MYLK2: variants seen among roughly 807,000 people sequenced by gnomAD.
MYLK2 encodes the protein myosin light chain kinase 2, also known as myosin light chain kinase 2, skeletal/cardiac muscle.
MYLK2 carries 27 observed loss-of-function variants against 58.2 expected under a neutral mutation model. The ratio of observed to expected loss-of-function variants is 0.46; its 90% CI spans 0.34 to 0.64. The LOEUF (loss-of-function observed/expected upper bound fraction) is 0.64, where lower values mean the gene tolerates loss of function less well. Ranked by LOEUF, MYLK2 falls within the 30% of genes least tolerant of loss-of-function variation. MYLK2 has a pLI of 0.01. For synonymous variants in MYLK2, 310 were observed against 296.7 expected, an observed-to-expected ratio of 1.04 and a Z score of -0.46; for missense variants, 676 against 764.3, an observed-to-expected ratio of 0.88 and a Z score of 1.36.
intron 9 of MYLK2, 43 bp downstream of exon 9, chr20:31,830,932 T>A: frequency 6.2e-7 from 1 of 1,613,030 alleles, no homozygotes; most frequent in East Asian, 2.2e-5. Flanking sequence ...AGCCTCTGAG[T>A]TGGCAGGGGA....
At chr20:31,821,826 T>A in intron 4 of MYLK2, 89 bp downstream of exon 4, 1 of 1,346,784 alleles carries the variant, frequency 7.4e-7, no homozygotes, top group Non-Finnish European at 1.0e-6. Context: ...TATTCGGAGG[T>A]CTGAACTGCC....
intron 8 of MYLK2, 43 bp from the exon 9 acceptor site, chr20:31,830,776 G>A (rs1195662670): frequency 6.2e-7 from 1 of 1,600,788 alleles, no homozygotes. Context: ...GAGGGAGGGT[G>A]AGCTGGTCAG....
intron 12 of MYLK2, among the ~76,000 whole-genome samples, chr20:31,832,691 C>G (rs2062313066): frequency 6.6e-6 from 1 of 152,068 alleles, no homozygotes; most frequent in Non-Finnish European, 1.5e-5. Flanking sequence ...CGGGGTTTCA[C>G]CATGTTGGCC....
chr20:31,825,168 G>A (rs2062272720), intron 6 of MYLK2, among the ~76,000 whole-genome samples: 1 of 152,240 alleles, frequency 6.6e-6, no homozygotes, highest in Non-Finnish European at 1.5e-5. Flanking sequence ...GAAAGCGTGA[G>A]AAGCAGCTCT....
intron 3 of MYLK2, among the ~76,000 whole-genome samples, chr20:31,821,194 A>C (rs894043120): frequency 6.6e-6 from 1 of 152,276 alleles, no homozygotes; most frequent in African/African-American, 2.4e-5. Flanking sequence ...CCCTAGTTGT[A>C]TCCACATGAT....
chr20:31,819,806 T>C (rs1442119902), intron 2 of MYLK2, among the ~76,000 whole-genome samples, 174 bp downstream of exon 2: 1 of 152,098 alleles, frequency 6.6e-6, no homozygotes, highest in Non-Finnish European at 1.5e-5. Context: ...CCAGGGCCTG[T>C]ATGAAGCCCT....
chr20:31,828,255 G>A, intron 8 of MYLK2: 2 of 984,926 alleles, frequency 2.0e-6, no homozygotes, highest in Non-Finnish European at 2.4e-6. Flanking sequence ...TGAGTGTGGA[G>A]CTCTGGGTGT....
chr20:31,833,792 G>A lies in MYLK2; in HGVS notation c.1786G>A (p.Val596Ile). The A allele has an allele frequency of 6.2e-7, 1 of 1,612,374 alleles. No individual in the cohort carries two copies. Among genetic ancestry groups the A allele is most frequent in the Non-Finnish European group, 8.5e-7 (1 of 1,179,650 alleles). ...SSSGALMALGV is the reference protein window; with the variant it reads ...SSSGALMALGI ...CTCGGGGGCACTGATGGCTCTGGGG[G>A]TCTGAGCCCTGGGCGCAGCTGAAGC... Residue 596 changes from valine (V) to isoleucine (I), a missense_variant, in exon 13 of 13, where the codon GTC becomes ATC. By Grantham distance (29) the Val-to-Ile change is conservative. This residue lies in a region of MYLK2 where 370 missense variants were observed against 467.8 expected (regional missense o/e 0.79). Transcript: ENST00000375985.
intron 4 of MYLK2, 40 bp from the exon 5 acceptor site, chr20:31,823,437 C>A: frequency 6.3e-7 from 1 of 1,574,980 alleles, no homozygotes; most frequent in Non-Finnish European, 8.7e-7. Flanking sequence ...TCCTCAGCAG[C>A]CCCTGGCACT....
chr20:31,820,313 T>C lies in MYLK2; in HGVS notation c.240T>C (p.Gly80=), dbSNP rs768745988. ...STSSQGPKGE[G]DRGGGPAEGS... ...GCAGCCAAGGCCCCAAAGGAGAGGG[T>C]GACAGGGGCGGGGGGCCCGCGGAGG... Residue 80 remains glycine, a synonymous_variant, in exon 3 of 13, where the codon GGT becomes GGC. Transcript: ENST00000375985. 35 of 1,612,672 alleles carry C rather than the reference T, an allele frequency of 2.2e-5. No individual in the cohort carries two copies. Among genetic ancestry groups the C allele is most frequent in the Non-Finnish European group, 2.4e-5 (28 of 1,179,778 alleles).
In MYLK2 at chr20:31,834,314, TGAGA is replaced by T. The variant is rs1445983814; in HGVS notation, c.*521_*524del. ...GCCAGGGAAGACAGAGCAGGCTTTG[TGAGA>T]GAGGACCTCCATGCCCCCGCCACCT... On this transcript the variant is annotated 3_prime_UTR_variant, in exon 13 of 13. Coordinates refer to ENST00000375985, the MANE Select transcript of MYLK2 (RefSeq NM_033118.4). 1 of 168,536 alleles carries T rather than the reference TGAGA, an allele frequency of 5.9e-6. No individual in the cohort carries two copies. Among genetic ancestry groups the T allele is most frequent in the Non-Finnish European group, 1.3e-5 (1 of 76,256 alleles). The allele number at this position is 168,536 out of a possible 1,614,324, so 10.4% of individuals were successfully genotyped here.
Position 31,830,903 on chromosome 20 carries a change from G to T in MYLK2, c.1295+14G>T. 1 of 1,613,872 alleles carries T rather than the reference G, an allele frequency of 6.2e-7. No homozygotes were observed. The highest frequency in any genetic ancestry group is 1.1e-5 in the South Asian group (1 of 91,080). On this transcript the variant is annotated intron_variant, in intron 9 of 12. Transcript: ENST00000375985. The stretch of plus-strand genomic sequence containing the variant: ...CCTGGCACGGAGGTACCACCTGGGT[G>T]GGTGGGGAGGGCAAGACAAGCCTCT...
intron 5 of MYLK2, 135 bp from the exon 6 acceptor site, chr20:31,824,124 G>T (rs2062266333): frequency 1.3e-6 from 2 of 1,524,020 alleles, no homozygotes. Context: ...GCTGGCTGGG[G>T]TGAGTGCTCC....
intron 8 of MYLK2, chr20:31,827,536 T>C: frequency 2.0e-6 from 2 of 985,416 alleles, no homozygotes; most frequent in Non-Finnish European, 2.4e-6. Context: ...TTCTTTTTTT[T>C]GAGATAGAGT....
chr20:31,819,707 T>A, intron 2 of MYLK2, 75 bp downstream of exon 2: 3 of 1,500,278 alleles, frequency 2.0e-6, no homozygotes, highest in Non-Finnish European at 2.7e-6. Flanking sequence ...GGCAGGTTCC[T>A]CAGTGGGAGT....
intron 6 of MYLK2, 79 bp downstream of exon 6, chr20:31,824,431 C>G (rs2123131856): frequency 6.4e-7 from 1 of 1,555,018 alleles, no homozygotes; most frequent in East Asian, 2.4e-5. Context: ...CTCCCTCCAC[C>G]AGCGCTGCTG....
In MYLK2 at chr20:31,826,654, A is replaced by G. The variant is rs776210812; in HGVS notation, c.1022A>G (p.Asn341Ser). 5.6e-6 allele frequency: 9 copies of G among 1,613,950 alleles called. No individual in the cohort carries two copies. The highest frequency in any genetic ancestry group is 2.7e-5 in the African/African-American group (2 of 74,866). Residue 341 changes from asparagine (N) to serine (S), a missense_variant, in exon 7 of 13, where the codon AAT (asparagine) becomes AGT (serine). Asn to Ser is a conservative substitution (Grantham distance 46). Coordinates refer to ENST00000375985, the MANE Select transcript of MYLK2 (RefSeq NM_033118.4). ...IEVMNQLNHR[N>S]LIQLYAAIET... ...GTCATGAACCAGCTGAACCACCGCA[A>G]TCTGATCCAGCTGTATGCAGCCATC...
chr20:31,820,625 G>A, intron 3 of MYLK2, 79 bp downstream of exon 3: 1 of 1,534,292 alleles, frequency 6.5e-7, no homozygotes, highest in Non-Finnish European at 8.8e-7. Context: ...CTTGTCTTAG[G>A]CATGGTTATC....
chr20:31,819,787 G>C (rs1435580833), intron 2 of MYLK2, among the ~76,000 whole-genome samples, 155 bp downstream of exon 2: 1 of 152,224 alleles, frequency 6.6e-6, no homozygotes. Context: ...GGCTAGGGTT[G>C]GGCTGGGTCC....
Sources: allele counts gnomAD v4.1 joint callset (sites outside exome capture counted in the v4.1 genomes callset), GRCh38; gene constraint gnomAD v4.1.1; regional missense constraint gnomAD v4.1.1; transcripts MANE v1.5; gene names NCBI Gene and HGNC (gene_info 2026-07-23, HGNC 2026-07-21).